The following ADGRV1 variants were observed in gnomAD, a reference collection of about 807,000 sequenced individuals.
ADGRV1 encodes G-protein coupled receptor 98.
A neutral mutation model predicts 596.2 loss-of-function variants in ADGRV1; 359 were observed. The ratio of observed to expected loss-of-function variants is 0.60; its 90% confidence interval spans 0.55 to 0.66. ADGRV1 has a LOEUF of 0.66. Among genes scored for constraint, ADGRV1 ranks in the 30% least tolerant of loss-of-function variants. The pLI, the probability that ADGRV1 is intolerant of heterozygous loss-of-function variation, is 0.00. For synonymous variants in ADGRV1, 2,681 were observed against 2,679.2 expected, an observed-to-expected ratio of 1.00 and a Z score of -0.02; for missense variants, 7,274 against 7,575.6, an observed-to-expected ratio of 0.96 and a Z score of 1.48.
intron 45 of ADGRV1, among the ~76,000 whole-genome samples, chr5:90,721,275 C>A (rs146638672): frequency 6.6e-6 from 1 of 151,898 alleles, no homozygotes; most frequent in Non-Finnish European, 1.5e-5. Flanking sequence ...AAGGCCGAGG[C>A]GGGTGGATCA....
At chr5:91,023,156 A>T (rs1783777333) in intron 85 of ADGRV1, among the ~76,000 whole-genome samples, 1 of 152,192 alleles carries the variant, frequency 6.6e-6, no homozygotes, top group Non-Finnish European at 1.5e-5. Flanking sequence ...CTTTCTTTAT[A>T]AACAAGTGTA....
chr5:90,693,820 C>A, intron 32 of ADGRV1, 70 bp from the exon 33 acceptor site: 3 of 1,141,486 alleles, frequency 2.6e-6, no homozygotes, highest in South Asian at 1.8e-5. Flanking sequence ...CCACAGTCAG[C>A]ATTCCTCTTC....
At chr5:90,863,955 T>G in intron 83 of ADGRV1, 98 bp downstream of exon 83, 2 of 771,464 alleles carry the variant, frequency 2.6e-6, no homozygotes, top group South Asian at 3.4e-5. Flanking sequence ...TAATCTCAAC[T>G]TAGTTGAAAT....
At chr5:90,939,112 A>C (rs1481161420) in intron 83 of ADGRV1, among the ~76,000 whole-genome samples, 1 of 152,230 alleles carries the variant, frequency 6.6e-6, no homozygotes, top group African/African-American at 2.4e-5. Flanking sequence ...TTTAGAAAAC[A>C]TGTTCACTTC....
intron 83 of ADGRV1, among the ~76,000 whole-genome samples, chr5:90,891,432 G>C (rs1330161527): frequency 6.6e-6 from 1 of 151,416 alleles, no homozygotes; most frequent in Non-Finnish European, 1.5e-5. Flanking sequence ...AAGAAAATTA[G>C]TATGTGCAGG....
rs760928835 is a variant in ADGRV1, at chr5:90,627,573, A to G, written c.1035A>G (p.Gln345=). Residue 345 remains glutamine (Q), a synonymous_variant, in exon 7 of 90, where the codon CAA becomes CAG. Coordinates refer to ENST00000405460, the MANE Select transcript of ADGRV1 (RefSeq NM_032119.4). ...PFIHESHLKF[Q]IVDDTIPEIA... ...TTCATGAATCTCACTTGAAATTTCA[A>G]ATAGTTGATGACACCATACCGGAGA... 13 of 1,613,746 alleles carry G rather than the reference A, an allele frequency of 8.1e-6. No homozygotes were observed. Among genetic ancestry groups the G allele is most frequent in the Non-Finnish European group, 1.1e-5 (13 of 1,179,828 alleles).
intron 66 of ADGRV1, 140 bp from the exon 67 acceptor site, chr5:90,783,698 A>G (rs1355781818): frequency 2.4e-5 from 15 of 631,754 alleles, no homozygotes; most frequent in Non-Finnish European, 4.1e-5. Flanking sequence ...CTTTTAGCTA[A>G]GCACCCACTT....
intron 2 of ADGRV1, 81 bp from the exon 3 acceptor site, chr5:90,617,723 C>G: frequency 8.6e-7 from 1 of 1,164,956 alleles, no homozygotes; most frequent in Non-Finnish European, 1.2e-6. Context: ...TGCTTTTTCT[C>G]TTGATTGCTG....
At chr5:91,092,495 A>G (rs1490208962) in intron 86 of ADGRV1, 4 of 152,238 alleles carry the variant, frequency 2.6e-5, no homozygotes, top group South Asian at 4.1e-4. Flanking sequence ...AATACTCCTC[A>G]AAGTCTAGGC....
At chr5:91,125,233 CT>C (rs1354972651) in intron 87 of ADGRV1, among the ~76,000 whole-genome samples, 1 of 152,194 alleles carries the variant, frequency 6.6e-6, no homozygotes, top group African/African-American at 2.4e-5. Context: ...TTGACATCCC[CT>C]AAACTTGTAC....
intron 59 of ADGRV1, among the ~76,000 whole-genome samples, chr5:90,765,131 C>T (rs149141493): frequency 2.0e-5 from 3 of 152,072 alleles, no homozygotes; most frequent in African/African-American, 7.2e-5. Context: ...GATCCTGGCT[C>T]TCTTCCCCCA....
rs1353401274 is a variant in ADGRV1, at chr5:90,721,029, G to C, written c.9718G>C (p.Glu3240Gln). 1 of 1,612,326 alleles carries C rather than the reference G, an allele frequency of 6.2e-7. No individual in the cohort carries two copies. The highest frequency in any genetic ancestry group is 1.3e-5 in the African/African-American group (1 of 74,858). ...TGATTTGGCTGTGAGTGTGCAGTGG[G>C]AGACAGTATCTGAAACAGCCTTTGG... ...GIDLAVSVQW[E>Q]TVSETAFGMR... is the part of the protein sequence containing the mutation. The change falls in exon 45 of 90, where the codon GAG (glutamate) becomes CAG (glutamine). Residue 3240 changes from glutamate (E) to glutamine (Q), a missense_variant. Glu to Gln is a conservative substitution (Grantham distance 29, BLOSUM62 2). Coordinates refer to ENST00000405460, the MANE Select transcript of ADGRV1 (RefSeq NM_032119.4).
intron 76 of ADGRV1, among the ~76,000 whole-genome samples, chr5:90,823,963 G>A (rs1453875649): frequency 6.6e-6 from 1 of 152,152 alleles, no homozygotes. Flanking sequence ...AGAAAAAAAT[G>A]TTTATCATTG....
intron 87 of ADGRV1, among the ~76,000 whole-genome samples, chr5:91,134,853 A>G (rs1173542966): frequency 6.6e-6 from 1 of 152,222 alleles, no homozygotes; most frequent in Non-Finnish European, 1.5e-5. Context: ...AACTCTCTGC[A>G]TGAAAGACAT....
In ADGRV1 at chr5:90,674,325, G is replaced by A. The variant is rs564240323; in HGVS notation, c.5110+91G>A. ...TCTTAAGGCACTTTTTGCAAATGAC[G>A]GAAGTAGAATGCCTTCAGACCTCCT... On this transcript the variant is annotated intron_variant, in intron 23 of 89. Transcript: ENST00000405460. 1.9e-4 allele frequency: 183 copies of A among 967,044 alleles called. 2 individuals carry two copies. In the South Asian group the frequency reaches 3.4e-3, roughly 18 times the overall value. The allele number at this position is 967,044 out of a possible 1,614,324, so 59.9% of individuals were successfully genotyped here. A position where few individuals can be genotyped will look rare whatever the true frequency, so the allele number is the denominator to read the frequency against.
chr5:91,058,366 T>A (rs1787093495), intron 85 of ADGRV1, among the ~76,000 whole-genome samples: 1 of 152,072 alleles, frequency 6.6e-6, no homozygotes. Flanking sequence ...ATTCCAATAG[T>A]CAACACTGAG....
intron 1 of ADGRV1, among the ~76,000 whole-genome samples, chr5:90,578,463 G>C (rs1421027972): frequency 1.3e-5 from 2 of 152,122 alleles, no homozygotes; most frequent in Non-Finnish European, 2.9e-5. Context: ...GGATGAAGCC[G>C]ACTTGATTGT....
chr5:90,693,531 T>C (rs928429716), intron 32 of ADGRV1, among the ~76,000 whole-genome samples: 5 of 152,188 alleles, frequency 3.3e-5, no homozygotes, highest in Non-Finnish European at 7.3e-5. Flanking sequence ...GGGCTGACTG[T>C]TACTACATTT....
chr5:91,047,018 A>T (rs1010485968), intron 85 of ADGRV1, among the ~76,000 whole-genome samples: 5 of 152,134 alleles, frequency 3.3e-5, no homozygotes, highest in African/African-American at 4.8e-5. Flanking sequence ...AAAAAATAAT[A>T]GATACCGGCG....
Sources: gnomAD v4.1 joint callset for allele counts (sites outside exome capture counted in the v4.1 genomes callset) on GRCh38, gnomAD v4.1.1 for gene constraint, MANE v1.5 for transcripts, NCBI Gene and HGNC (gene_info 2026-07-23, HGNC 2026-07-21) for gene names.